CAST: variants seen among roughly 807,000 people sequenced by gnomAD.
CAST encodes the protein calpastatin, also known as MIR583 host.
A neutral mutation model predicts 119.6 loss-of-function variants in CAST; 76 were observed. The ratio of observed to expected loss-of-function variants is 0.64; its 90% CI spans 0.53 to 0.77. The LOEUF is 0.77. CAST is among the 30% of genes least tolerant of loss of function. The probability of loss-of-function intolerance (pLI) is 0.00; values close to 1 mark genes in which losing one functional copy is unlikely to be tolerated. For synonymous variants in CAST, 319 were observed against 331.6 expected, an observed-to-expected ratio of 0.96 and a Z score of 0.41; for missense variants, 953 against 946.5, an observed-to-expected ratio of 1.01 and a Z score of -0.09.
At chr5:96,061,493 A>C in the CAST span, among the ~76,000 whole-genome samples, 1 of 152,008 alleles carries the variant, frequency 6.6e-6, no homozygotes, top group Non-Finnish European at 1.5e-5. Context: ...GCCAGCTAAC[A>C]GAGAAGAAAA....
the CAST span, among the ~76,000 whole-genome samples, chr5:96,231,631 A>G: frequency 6.6e-6 from 1 of 152,174 alleles, no homozygotes; most frequent in Non-Finnish European, 1.5e-5. Flanking sequence ...ACACTTAAAC[A>G]GGTGAAGTTT....
At chr5:96,562,418 C>T (rs1212876557) in intron 1 of CAST, among the ~76,000 whole-genome samples, 1 of 152,056 alleles carries the variant, frequency 6.6e-6, no homozygotes, top group Non-Finnish European at 1.5e-5. Flanking sequence ...CTAATTACAA[C>T]CACAATGAAA....
At chr5:96,740,143 T>C (rs765624810) in intron 12 of CAST, 25 bp downstream of exon 12, 2 of 995,996 alleles carry the variant, frequency 2.0e-6, no homozygotes, top group Non-Finnish European at 1.6e-6. Flanking sequence ...CATTTACTTT[T>C]ATTTCACTGT....
chr5:96,618,790 T>A (rs1440331803), intron 1 of CAST, among the ~76,000 whole-genome samples: 2 of 152,032 alleles, frequency 1.3e-5, no homozygotes, highest in African/African-American at 4.8e-5. Flanking sequence ...TGCCCGAGCC[T>A]CCCCCACCCC....
the CAST span, among the ~76,000 whole-genome samples, chr5:96,130,021 C>CTTTTTTTT: frequency 7.7e-6 from 1 of 129,514 alleles, no homozygotes; most frequent in African/African-American, 2.9e-5. Context: ...AACACACACA[C>CTTTTTTTT]TTTTTTTTTT....
At chr5:96,593,254 T>C (rs1746995968) in intron 1 of CAST, among the ~76,000 whole-genome samples, 1 of 152,232 alleles carries the variant, frequency 6.6e-6, no homozygotes, top group Non-Finnish European at 1.5e-5. Flanking sequence ...AAATCTTTCT[T>C]ATCCTTGAAG....
the CAST span, chr5:96,425,696 G>C: frequency 1.5e-6 from 1 of 683,376 alleles, no homozygotes; most frequent in Admixed American, 2.2e-5. Flanking sequence ...CTAATCTCCA[G>C]ACAATATAGC....
the CAST span, among the ~76,000 whole-genome samples, chr5:95,964,435 G>A: frequency 6.6e-6 from 1 of 152,202 alleles, no homozygotes; most frequent in Non-Finnish European, 1.5e-5. Context: ...GTCTCTAGAG[G>A]AATTTTCTGT....
chr5:96,349,626 A>C, the CAST span, among the ~76,000 whole-genome samples: 1 of 152,162 alleles, frequency 6.6e-6, no homozygotes, highest in Non-Finnish European at 1.5e-5. Context: ...AAAAAATTTC[A>C]CTATTTTCAA....
At chr5:96,445,186 T>C in the CAST span, among the ~76,000 whole-genome samples, 7 of 152,172 alleles carry the variant, frequency 4.6e-5, no homozygotes, top group African/African-American at 7.2e-5. Context: ...CTGGTGTCTC[T>C]GGGGAAAACA....
chr5:96,163,938 C>T, the CAST span, among the ~76,000 whole-genome samples: 1 of 152,048 alleles, frequency 6.6e-6, no homozygotes, highest in East Asian at 1.9e-4. Context: ...ACAATGGGCA[C>T]ATTACTTAGT....
chr5:96,098,747 T>C, the CAST span, among the ~76,000 whole-genome samples: 267 of 152,198 alleles, frequency 1.8e-3, no homozygotes, highest in Middle Eastern at 6.8e-3. Context: ...AGTTTGAAGT[T>C]GGGTAGTGTG....
At chr5:96,560,794 C>T (rs928682094) in intron 1 of CAST, among the ~76,000 whole-genome samples, 6 of 152,084 alleles carry the variant, frequency 3.9e-5, no homozygotes, top group African/African-American at 1.2e-4. Context: ...GTCAGTGTGG[C>T]GATTCCTCAG....
chr5:96,452,927 G>C, the CAST span, among the ~76,000 whole-genome samples: 9 of 121,760 alleles, frequency 7.4e-5, no homozygotes, highest in Non-Finnish European at 9.6e-5. Flanking sequence ...TCCGCAGTCC[G>C]GCCTGGGCGA....
the CAST span, among the ~76,000 whole-genome samples, chr5:96,493,727 TTCTC>T: frequency 1.6e-4 from 24 of 152,302 alleles, no homozygotes; most frequent in African/African-American, 5.1e-4. Context: ...TGCCTGCTCT[TTCTC>T]TTCAGCAGTG....
At chr5:96,059,376 T>C in the CAST span, among the ~76,000 whole-genome samples, 1 of 152,170 alleles carries the variant, frequency 6.6e-6, no homozygotes, top group Non-Finnish European at 1.5e-5. Flanking sequence ...TTAGAAGTCA[T>C]TAATTCAAAA....
At chr5:96,453,218 C>T in the CAST span, among the ~76,000 whole-genome samples, 1 of 152,106 alleles carries the variant, frequency 6.6e-6, no homozygotes, top group Non-Finnish European at 1.5e-5. Flanking sequence ...CAATTGGATA[C>T]TTGTTTTTCT....
chr5:96,208,422 A>G, the CAST span, among the ~76,000 whole-genome samples: 1 of 151,800 alleles, frequency 6.6e-6, no homozygotes, highest in African/African-American at 2.4e-5. Context: ...TTAGGTTACT[A>G]ATATGAATGA....
chr5:96,328,604 G>T, the CAST span, among the ~76,000 whole-genome samples: 2 of 152,284 alleles, frequency 1.3e-5, no homozygotes, highest in South Asian at 4.1e-4. Context: ...TGCAAGAAAA[G>T]ATGTGACATG....
Sources: gnomAD v4.1 joint callset for allele counts (sites outside exome capture counted in the v4.1 genomes callset) on GRCh38, gnomAD v4.1.1 for gene constraint, MANE v1.5 for transcripts, NCBI Gene and HGNC (gene_info 2026-07-23, HGNC 2026-07-21) for gene names.